ADCYAP1R1: variants seen among roughly 807,000 people sequenced by gnomAD.
ADCYAP1R1 encodes ADCYAP receptor type I, also known as pituitary adenylate cyclase-activating polypeptide type I receptor.
In ADCYAP1R1, 44 loss-of-function variants were observed where a neutral mutation model predicts 67.6. That is an observed-to-expected ratio of 0.65 (90% confidence interval 0.51 to 0.84). ADCYAP1R1 has a LOEUF of 0.84. ADCYAP1R1 is among the 40% of genes least tolerant of loss of function. The pLI is 0.00. For missense variants in ADCYAP1R1, 477 were observed against 587.9 expected, an observed-to-expected ratio of 0.81 and a Z score of 1.95; for synonymous variants, 222 against 219.6, an observed-to-expected ratio of 1.01 and a Z score of -0.10.
intron 11 of ADCYAP1R1, 28 bp from the exon 12 acceptor site, chr7:31,087,599 A>T: frequency 1.2e-6 from 2 of 1,611,756 alleles, no homozygotes; most frequent in Non-Finnish European, 1.7e-6. Context: ...CACAGACGTG[A>T]TCTTGCTTCT....
At chr7:31,076,867 G>A (rs995311076) in intron 3 of ADCYAP1R1, among the ~76,000 whole-genome samples, 2 of 152,136 alleles carry the variant, frequency 1.3e-5, no homozygotes, top group Non-Finnish European at 2.9e-5. Context: ...GGCTGAGGAG[G>A]GGCTAGGGTG....
intron 4 of ADCYAP1R1, among the ~76,000 whole-genome samples, chr7:31,079,807 G>T (rs1795438660): frequency 6.6e-6 from 1 of 152,176 alleles, no homozygotes; most frequent in Non-Finnish European, 1.5e-5. Context: ...CCATCTGAGG[G>T]CCTGGGGATT....
chr7:31,097,784 G>A (rs1796260043), intron 13 of ADCYAP1R1, among the ~76,000 whole-genome samples: 1 of 151,600 alleles, frequency 6.6e-6, no homozygotes, highest in Non-Finnish European at 1.5e-5. Context: ...GAAGGTTTAA[G>A]CTTGGCATGT....
chr7:31,067,178 T>A (rs757091027), intron 3 of ADCYAP1R1, among the ~76,000 whole-genome samples: 1 of 152,164 alleles, frequency 6.6e-6, no homozygotes, highest in Non-Finnish European at 1.5e-5. Flanking sequence ...TTTAACCCTG[T>A]CCAGGTGGGA....
intron 1 of ADCYAP1R1, among the ~76,000 whole-genome samples, chr7:31,057,273 A>G (rs60851762): frequency 0.092 from 13,956 of 151,990 alleles, 740 homozygotes; most frequent in Non-Finnish European, 0.12. Context: ...TACCTGGCCC[A>G]GGGGGTGCAC....
At position 31,086,428 on chromosome 7, in the gene ADCYAP1R1, G is replaced by C. The variant is rs1418798422; in HGVS notation, c.714G>C (p.Val238=). 6.2e-7 allele frequency: 1 copy of C among 1,614,206 alleles called. No individual in the cohort carries two copies. Among genetic ancestry groups the C allele is most frequent in the South Asian group, 1.1e-5 (1 of 91,078 alleles). The part of the protein sequence containing the change: ...AVMVFFHYCV[V]SNYFWLFIEG... ...TGGTTTTCTTCCACTACTGTGTTGT[G>C]TCCAACTACTTCTGGCTGTTCATCG... Residue 238 remains valine, a synonymous_variant, in exon 10 of 16, where the codon GTG becomes GTC. Coordinates refer to ENST00000304166, the MANE Select transcript of ADCYAP1R1 (RefSeq NM_001118.5). The surrounding 1 kb of genome is among the most constrained non-coding windows in gnomAD (Gnocchi z 5.0).
intron 1 of ADCYAP1R1, among the ~76,000 whole-genome samples, chr7:31,060,519 T>C (rs971952889): frequency 6.6e-6 from 1 of 151,886 alleles, no homozygotes; most frequent in Non-Finnish European, 1.5e-5. Context: ...TGTGTGTGTG[T>C]GGTTGCCTGT....
chr7:31,103,328 G>C lies in ADCYAP1R1; in HGVS notation c.1138G>C (p.Glu380Gln). The C allele has an allele frequency of 6.2e-7, 1 of 1,614,226 alleles. No individual in the cohort carries two copies. The highest frequency in any genetic ancestry group is 8.5e-7 in the Non-Finnish European group (1 of 1,180,030). The change falls in exon 14 of 16, where the codon GAA (glutamate) becomes CAA (glutamine). Residue 380 changes from glutamate (E) to glutamine (Q), a missense_variant. Glu to Gln is a conservative substitution (Grantham distance 29, BLOSUM62 2). Coordinates refer to ENST00000304166, the MANE Select transcript of ADCYAP1R1 (RefSeq NM_001118.5). ...AFSPENVSKR[E>Q]RLVFELGLGS... ...CTCCCCAGAGAATGTCAGCAAAAGG[G>C]AAAGACTCGTGTTTGAGCTGGGGCT...
At chr7:31,097,590 A>T (rs1176483900) in intron 13 of ADCYAP1R1, among the ~76,000 whole-genome samples, 1 of 152,010 alleles carries the variant, frequency 6.6e-6, no homozygotes, top group Non-Finnish European at 1.5e-5. Flanking sequence ...ACACAACTTT[A>T]CCAGGTGCAG....
chr7:31,104,194 G>A (rs1408840681), intron 14 of ADCYAP1R1, among the ~76,000 whole-genome samples: 2 of 152,064 alleles, frequency 1.3e-5, no homozygotes, highest in Admixed American at 1.3e-4. Flanking sequence ...AGAGCCCAGG[G>A]CTCTTGTCTC....
At position 31,085,355 on chromosome 7, in the gene ADCYAP1R1, G is replaced by A. The variant is rs771344656; in HGVS notation, c.582G>A (p.Val194=). 9.9e-6 allele frequency: 16 copies of A among 1,614,058 alleles called. No homozygotes were observed. Among genetic ancestry groups the A allele is most frequent in the Non-Finnish European group, 1.3e-5 (15 of 1,180,020 alleles). ...ACTTCATCCACATGAACCTGTTTGT[G>A]TCGTTCATGCTGAGGGCGATCTCCG... ...TRNFIHMNLF[V]SFMLRAISVF... Residue 194 remains valine, a synonymous_variant, in exon 9 of 16, where the codon GTG becomes GTA. Coordinates refer to ENST00000304166, the MANE Select transcript of ADCYAP1R1 (RefSeq NM_001118.5).
At position 31,102,407 on chromosome 7, in the gene ADCYAP1R1, A is replaced by G. The variant is rs779262105; in HGVS notation, c.1047-830A>G. Among the ~76,000 whole-genome samples the G allele has an allele frequency of 4.1e-4, 62 of 152,300 alleles. No individual in the cohort carries two copies. Among genetic ancestry groups the G allele is most frequent in the Non-Finnish European group, 7.5e-4 (51 of 68,002 alleles). On this transcript the variant is annotated intron_variant, in intron 13 of 15. Transcript: ENST00000304166. This position sits in a 1 kb window ranked among gnomAD's most constrained non-coding sequence, Gnocchi z 4.3. ...GAGTGTCCCCTATAGAGCAGGACCCACAAGTGCACATGGTCCAGGTGTCCT... is the reference window on the plus strand; with the variant it reads ...GAGTGTCCCCTATAGAGCAGGACCCGCAAGTGCACATGGTCCAGGTGTCCT...
intron 9 of ADCYAP1R1, among the ~76,000 whole-genome samples, chr7:31,085,827 A>G (rs1795722903): frequency 6.6e-6 from 1 of 152,212 alleles, no homozygotes; most frequent in South Asian, 2.1e-4. Flanking sequence ...CTGATTGGCC[A>G]GGGGTCTTTC....
At chr7:31,072,428 C>G (rs150063036) in intron 3 of ADCYAP1R1, among the ~76,000 whole-genome samples, 2 of 152,262 alleles carry the variant, frequency 1.3e-5, no homozygotes, top group East Asian at 3.9e-4. Context: ...GAACACTAAC[C>G]GTCTTTTGCA....
intron 13 of ADCYAP1R1, among the ~76,000 whole-genome samples, chr7:31,098,704 G>C (rs978782905): frequency 2.0e-3 from 32 of 16,310 alleles, no homozygotes; most frequent in South Asian, 0.018. Context: ...GCAGCGGGGC[G>C]GGGGGGGGGG....
Position 31,092,684 on chromosome 7 carries a change from T to G in ADCYAP1R1, c.995T>G (p.Val332Gly), listed in dbSNP as rs1328023458. The change falls in exon 13 of 16, where the codon GTG becomes GGG. Residue 332 changes from valine (V) to glycine (G), a missense_variant. Coordinates refer to ENST00000304166, the MANE Select transcript of ADCYAP1R1 (RefSeq NM_001118.5). Reference protein sequence around the residue: ...VLFIGIIVILVQKLQSPDMGG... With the variant: ...VLFIGIIVILGQKLQSPDMGG... ...TTTATTGGCATTATCGTCATCCTTG[T>G]GCAGAAACTTCAGTCTCCAGACATG... 2.5e-6 allele frequency: 4 copies of G among 1,612,980 alleles called. No individual in the cohort carries two copies. The highest frequency in any genetic ancestry group is 2.5e-6 in the Non-Finnish European group (3 of 1,179,946).
At chr7:31,058,383 A>T (rs1303647404) in intron 1 of ADCYAP1R1, among the ~76,000 whole-genome samples, 1 of 152,166 alleles carries the variant, frequency 6.6e-6, no homozygotes, top group African/African-American at 2.4e-5. Context: ...AGAGGAGGAC[A>T]TGGCTGCTGT....
At chr7:31,097,283 C>G (rs2267739) in intron 13 of ADCYAP1R1, among the ~76,000 whole-genome samples, 39,478 of 152,198 alleles carry the variant, frequency 0.26, 10,882 homozygotes, top group African/African-American at 0.7. Context: ...TTGGATCCAA[C>G]TCAGAATTTA....
chr7:31,096,656 C>T (rs894967438), intron 13 of ADCYAP1R1, among the ~76,000 whole-genome samples: 13 of 152,258 alleles, frequency 8.5e-5, no homozygotes, highest in Admixed American at 2.6e-4. Context: ...AGGAGTGGCT[C>T]GTCCTTGTGG....
Sources: allele counts gnomAD v4.1 joint callset (sites outside exome capture counted in the v4.1 genomes callset), GRCh38; gene constraint gnomAD v4.1.1; non-coding constraint Gnocchi (gnomAD v3.1); transcripts MANE v1.5; gene names NCBI Gene and HGNC (gene_info 2026-07-23, HGNC 2026-07-21).